PTPRN2: variants seen among roughly 807,000 people sequenced by gnomAD.
PTPRN2 encodes the protein receptor-type tyrosine-protein phosphatase N2.
Under a neutral mutation model 118.8 loss-of-function variants are expected in PTPRN2, and 74 were observed. The observed-to-expected ratio is 0.62, with a 90% CI of 0.52 to 0.76. PTPRN2 has a LOEUF of 0.76. Ranked by LOEUF, PTPRN2 falls within the 30% of genes least tolerant of loss-of-function variation. PTPRN2 has a pLI of 0.00. For missense variants in PTPRN2, 1,481 were observed against 1,394.4 expected, an observed-to-expected ratio of 1.06 and a Z score of -0.99; for synonymous variants, 641 against 608.0, an observed-to-expected ratio of 1.05 and a Z score of -0.80.
intron 22 of PTPRN2, among the ~76,000 whole-genome samples, chr7:157,541,363 A>C (rs1798006325): frequency 6.6e-6 from 1 of 152,214 alleles, no homozygotes; most frequent in African/African-American, 2.4e-5. Context: ...CTCCTGGCTC[A>C]GGGCATGCGC....
chr7:157,713,185 G>A (rs1296230995), intron 12 of PTPRN2, among the ~76,000 whole-genome samples: 1 of 148,298 alleles, frequency 6.7e-6, no homozygotes, highest in Non-Finnish European at 1.5e-5. Flanking sequence ...GGTGCCAGCG[G>A]GAGACCTTAC....
intron 11 of PTPRN2, among the ~76,000 whole-genome samples, chr7:158,046,045 T>C (rs190405473): frequency 0.024 from 3,070 of 130,334 alleles, 129 homozygotes; most frequent in African/African-American, 0.087. Context: ...GCAGAACCTG[T>C]GATCCTGGCG....
chr7:158,534,996 A>G (rs1825564595), intron 1 of PTPRN2, among the ~76,000 whole-genome samples: 1 of 152,200 alleles, frequency 6.6e-6, no homozygotes, highest in African/African-American at 2.4e-5. Flanking sequence ...CCTCGCAGAA[A>G]GGAGCACTTC....
chr7:157,995,909 C>T (rs929243186), intron 11 of PTPRN2, among the ~76,000 whole-genome samples: 2 of 152,196 alleles, frequency 1.3e-5, no homozygotes, highest in African/African-American at 2.4e-5. Flanking sequence ...ATAAAGAAAA[C>T]GTGGTGTGTC....
intron 1 of PTPRN2, among the ~76,000 whole-genome samples, chr7:158,495,843 G>A (rs1287173286): frequency 6.6e-6 from 1 of 152,130 alleles, no homozygotes. Context: ...TGCGGTCAGG[G>A]CATCTGGCTT....
chr7:157,739,590 C>G (rs1233511825), intron 12 of PTPRN2: 1 of 152,252 alleles, frequency 6.6e-6, no homozygotes, highest in African/African-American at 2.4e-5. Context: ...GACACCTGTG[C>G]CTTCAGCTGC....
chr7:158,213,221 T>C lies in PTPRN2; in HGVS notation c.278-7948A>G, dbSNP rs528850470. Among the ~76,000 whole-genome samples the C allele has an allele frequency of 7.4e-4, 112 of 151,218 alleles. No homozygotes were observed. In the South Asian group the frequency reaches 0.022, roughly 30 times the overall value. ...GGCTCTGTGCTTGTGTGTGTGTGTG[T>C]GTGTGTGTGTGTGTGTGTGTGTGTG... On this transcript the variant is annotated intron_variant, in intron 3 of 22. Transcript: ENST00000389418.
intron 16 of PTPRN2, among the ~76,000 whole-genome samples, chr7:157,600,015 C>T (rs1801578759): frequency 1.0e-5 from 1 of 98,142 alleles, no homozygotes; most frequent in Non-Finnish European, 2.0e-5. Flanking sequence ...CTCCACCTGC[C>T]CACCTCTCCA....
intron 11 of PTPRN2, among the ~76,000 whole-genome samples, chr7:158,059,164 A>G (rs567448335): frequency 2.5e-4 from 29 of 116,238 alleles, no homozygotes; most frequent in African/African-American, 1.2e-3. Context: ...GCCACACTCC[A>G]TCTGCACACG....
At chr7:158,337,593 T>G (rs1805913687) in intron 2 of PTPRN2, among the ~76,000 whole-genome samples, 1 of 100,826 alleles carries the variant, frequency 9.9e-6, no homozygotes, top group Admixed American at 1.0e-4. Context: ...CAGACGTCAC[T>G]CACACCCACA....
At chr7:157,705,239 G>A (rs1332698937) in intron 12 of PTPRN2, among the ~76,000 whole-genome samples, 1 of 152,214 alleles carries the variant, frequency 6.6e-6, no homozygotes, top group African/African-American at 2.4e-5. Context: ...CCAGGAGGTG[G>A]AGGTTGCAGT....
In PTPRN2 at chr7:157,785,306, C is replaced by A. The variant is rs372548900; in HGVS notation, c.1789-102369G>T. 1.3e-5 allele frequency among the ~76,000 whole-genome samples: 2 copies of A among 152,184 alleles called. No homozygotes were observed. The highest frequency in any genetic ancestry group is 4.8e-5 in the African/African-American group (2 of 41,446). ...GGTGTAAATCCACACTCTATGGTGA[C>A]GGTGGATCCACAGCTGCCGCGGGTC... On this transcript the variant is annotated intron_variant, in intron 12 of 22. Coordinates refer to ENST00000389418, the MANE Select transcript of PTPRN2 (RefSeq NM_002847.5). This position sits in a 1 kb window ranked among gnomAD's most constrained non-coding sequence, Gnocchi z 7.3.
chr7:158,325,100 C>T (rs1421167455), intron 2 of PTPRN2, among the ~76,000 whole-genome samples: 1 of 151,770 alleles, frequency 6.6e-6, no homozygotes, highest in Admixed American at 6.6e-5. Context: ...CCCCACAATT[C>T]TCCCCAGAGA....
chr7:158,424,361 T>G (rs1264750108), intron 2 of PTPRN2, among the ~76,000 whole-genome samples: 2 of 152,238 alleles, frequency 1.3e-5, no homozygotes, highest in Admixed American at 6.5e-5. Flanking sequence ...CGAGGCGTTT[T>G]CAGAAACTCT....
At chr7:158,239,505 T>C (rs916378965) in intron 3 of PTPRN2, among the ~76,000 whole-genome samples, 1 of 152,114 alleles carries the variant, frequency 6.6e-6, no homozygotes, top group African/African-American at 2.4e-5. Context: ...TTCCAGAGGG[T>C]GTGCAGTCAC....
In PTPRN2 at chr7:158,177,006, T is replaced by C. The variant is rs112507222; in HGVS notation, c.550-9715A>G. Among the ~76,000 whole-genome samples, 202 of 152,300 alleles carry C rather than the reference T, an allele frequency of 1.3e-3. 1 individual carries two copies. Among genetic ancestry groups the C allele is most frequent in the African/African-American group, 4.5e-3 (189 of 41,580 alleles). Reference sequence around the variant, plus strand: ...ACAGGGATAGGGGAAGGTGGGCTTGTTGACCACATCTGGGTGGTGACAGTT... The same window carrying C: ...ACAGGGATAGGGGAAGGTGGGCTTGCTGACCACATCTGGGTGGTGACAGTT... On this transcript the variant is annotated intron_variant, in intron 5 of 22. Transcript: ENST00000389418.
At chr7:157,985,455 C>T (rs1053005191) in intron 11 of PTPRN2, among the ~76,000 whole-genome samples, 1 of 152,176 alleles carries the variant, frequency 6.6e-6, no homozygotes, top group Non-Finnish European at 1.5e-5. Flanking sequence ...CCCAAGGTGA[C>T]CTCATTACCA....
chr7:158,371,866 A>G (rs367561282), intron 2 of PTPRN2, among the ~76,000 whole-genome samples: 1 of 152,246 alleles, frequency 6.6e-6, no homozygotes, highest in African/African-American at 2.4e-5. Context: ...TATAGTACTT[A>G]TTGAGAAAAG....
In PTPRN2 at chr7:158,186,542, A is replaced by C. The variant is rs113019487; in HGVS notation, c.549+5785T>G. The stretch of plus-strand genomic sequence containing the variant: ...CTCTGGCATGAGTACGCCTGGGCTC[A>C]CCTGCCCCCTCCGTCAGAAGCCCGC... On this transcript the variant is annotated intron_variant, in intron 5 of 22. Coordinates refer to ENST00000389418, the MANE Select transcript of PTPRN2 (RefSeq NM_002847.5). Among the ~76,000 whole-genome samples the C allele has an allele frequency of 1.4e-3, 202 of 148,766 alleles. 2 individuals carry two copies. Among genetic ancestry groups the C allele is most frequent in the African/African-American group, 4.7e-3 (189 of 40,386 alleles).
Sources: gnomAD v4.1 joint callset for allele counts (sites outside exome capture counted in the v4.1 genomes callset) on GRCh38, gnomAD v4.1.1 for gene constraint, Gnocchi (gnomAD v3.1) non-coding constraint, MANE v1.5 for transcripts, NCBI Gene and HGNC (gene_info 2026-07-23, HGNC 2026-07-21) for gene names.